Variants in IL15RA observed in about 807,000 individuals in gnomAD.
The protein encoded by IL15RA is interleukin-15 receptor subunit alpha.
A neutral mutation model predicts 24.2 loss-of-function variants in IL15RA; 26 were observed. That is an observed-to-expected ratio of 1.07 (90% CI 0.79 to 1.49). The LOEUF is 1.49. IL15RA is among the 40% of genes most tolerant of loss of function. The pLI is 0.00. For missense variants in IL15RA, 354 were observed against 356.4 expected (o/e 0.99, Z 0.05); for synonymous variants, 166 against 157.6 (o/e 1.05, Z -0.40).
At chr10:5,956,027 T>G (rs936287186) in intron 6 of IL15RA, among the ~76,000 whole-genome samples, 2 of 152,136 alleles carry the variant, frequency 1.3e-5, no homozygotes, top group Non-Finnish European at 2.9e-5. Context: ...TCTTTTTCTT[T>G]TTTTTGAGAC....
rs1836718882 is a variant in IL15RA, at chr10:5,967,186, G to T, written c.89-847C>A. Among the ~76,000 whole-genome samples the T allele has an allele frequency of 6.6e-6, 1 of 151,908 alleles. No individual in the cohort carries two copies. The highest frequency in any genetic ancestry group is 1.5e-5 in the Non-Finnish European group (1 of 67,926). On this transcript the variant is annotated intron_variant, in intron 1 of 6. Transcript: ENST00000379977. The surrounding 1 kb of genome is among the most constrained non-coding windows in gnomAD (Gnocchi z 4.4). ...ATCGGGCCTTGCCTTGTCTTGCCTTGCCTTACCTTGCCTTACCTTGCCTTG... is the reference window on the plus strand; with the variant it reads ...ATCGGGCCTTGCCTTGTCTTGCCTTTCCTTACCTTGCCTTACCTTGCCTTG...
Position 5,963,981 on chromosome 10 carries a change from T to C in IL15RA, c.284-140A>G. The stretch of plus-strand genomic sequence containing the variant: ...GGCTTCCTCAGACAGGTTAAAAGCA[T>C]AAGAAACAATGTTTCCCCACCCGAA... On this transcript the variant is annotated intron_variant, in intron 2 of 6. Coordinates refer to ENST00000379977, the MANE Select transcript of IL15RA (RefSeq NM_002189.4). The surrounding 1 kb of genome is among the most constrained non-coding windows in gnomAD (Gnocchi z 5.3). 1.7e-6 allele frequency: 1 copy of C among 580,354 alleles called. No homozygotes were observed. Among genetic ancestry groups the C allele is most frequent in the East Asian group, 3.5e-5 (1 of 28,844 alleles). 36.0% of individuals were successfully genotyped at this position (580,354 alleles called of 1,614,324 possible).
chr10:5,956,726 G>T (rs1834574774), intron 5 of IL15RA, among the ~76,000 whole-genome samples: 1 of 152,206 alleles, frequency 6.6e-6, no homozygotes, highest in South Asian at 2.1e-4. Context: ...GGGTGACGGG[G>T]CAGGGACGGA....
chr10:5,956,957 A>ATTTT (rs767909938), intron 5 of IL15RA, among the ~76,000 whole-genome samples: 12 of 127,680 alleles, frequency 9.4e-5, no homozygotes, highest in Non-Finnish European at 1.5e-4. Context: ...TTCACTTGCA[A>ATTTT]TTTTTTTTTT....
chr10:5,976,917 C>T (rs4749856), intron 1 of IL15RA: 14,205 of 152,992 alleles, frequency 0.093, 1,150 homozygotes, highest in East Asian at 0.3. Context: ...CAGCTCCTCC[C>T]CACCCTCCCA....
Position 5,958,955 on chromosome 10 carries a change from C to T in IL15RA, c.616+799G>A, listed in dbSNP as rs963744740. 1.3e-5 allele frequency among the ~76,000 whole-genome samples: 2 copies of T among 152,042 alleles called. No individual in the cohort carries two copies. The highest frequency in any genetic ancestry group is 2.9e-5 in the Non-Finnish European group (2 of 68,014). Reference sequence around the variant, plus strand: ...GCGTTCTTCCTCCCTGCCTGCTTCCCTTCTTCCTCCTGTTCTCCCCTCCTC... The same window carrying T: ...GCGTTCTTCCTCCCTGCCTGCTTCCTTTCTTCCTCCTGTTCTCCCCTCCTC... On this transcript the variant is annotated intron_variant, in intron 5 of 6. Transcript: ENST00000379977. This position sits in a 1 kb window ranked among gnomAD's most constrained non-coding sequence, Gnocchi z 4.3.
chr10:5,977,555 G>A (rs990241137), upstream of IL15RA: 9 of 1,274,600 alleles, frequency 7.1e-6, no homozygotes, highest in Non-Finnish European at 8.9e-6. Flanking sequence ...CCGGGGGGAG[G>A]TGGCGAGCGC....
upstream of IL15RA, chr10:5,977,752 G>A: frequency 1.2e-6 from 1 of 835,082 alleles, no homozygotes; most frequent in Non-Finnish European, 1.6e-6. Context: ...CATGGGCCGT[G>A]CCCGGTGGGG....
chr10:5,956,077 C>T (rs1834477614), intron 6 of IL15RA, among the ~76,000 whole-genome samples: 2 of 152,008 alleles, frequency 1.3e-5, no homozygotes, highest in Non-Finnish European at 2.9e-5. Context: ...TGCAGTGGCG[C>T]AATCTTGGCT....
Position 5,960,516 on chromosome 10 carries a change from G to A in IL15RA, c.434C>T (p.Ala145Val), listed in dbSNP as rs749257830. The A allele has an allele frequency of 6.2e-7, 1 of 1,614,210 alleles. No homozygotes were observed. Among genetic ancestry groups the A allele is most frequent in the South Asian group, 1.1e-5 (1 of 91,082 alleles). ...CATCAGCTGGGAGCCCGGGACAATA[G>A]CTGCTGTTGTGGCCGCTGTGTTGTT... The part of the protein sequence containing the change: ...SSNNTAATTA[A>V]IVPGSQLMPS... The change falls in exon 4 of 7, where the codon GCT becomes GTT. Residue 145 changes from alanine (A) to valine (V), a missense_variant. By Grantham distance (64) the Ala-to-Val change is moderately conservative. Coordinates refer to ENST00000379977, the MANE Select transcript of IL15RA (RefSeq NM_002189.4). This position sits in a 1 kb window ranked among gnomAD's most constrained non-coding sequence, Gnocchi z 5.1.
chr10:5,951,455 G>A (rs1359901917), downstream of IL15RA, among the ~76,000 whole-genome samples: 1 of 152,184 alleles, frequency 6.6e-6, no homozygotes, highest in African/African-American at 2.4e-5. Flanking sequence ...GGCTGTACAA[G>A]GGGCAGTTGG....
chr10:5,974,711 T>G (rs927612688), intron 1 of IL15RA, among the ~76,000 whole-genome samples: 1 of 151,962 alleles, frequency 6.6e-6, no homozygotes, highest in Non-Finnish European at 1.5e-5. Flanking sequence ...ACCCCATCTC[T>G]ACTAAAAATA....
Position 5,953,101 on chromosome 10 carries a change from G to A in IL15RA, c.798C>T (p.His266=). Reference sequence around the variant, plus strand: ...GGGCTGGTTTCCCCGAGTTTCATAGGTGGTGAGAGCAGTTTTCCAAGTCTT... The same window carrying A: ...GGGCTGGTTTCCCCGAGTTTCATAGATGGTGAGAGCAGTTTTCCAAGTCTT... The part of the protein sequence containing the change: ...RDEDLENCSH[H]L Residue 266 remains histidine, a synonymous_variant, in exon 7 of 7, where the codon CAC becomes CAT. Transcript: ENST00000379977. This position sits in a 1 kb window ranked among gnomAD's most constrained non-coding sequence, Gnocchi z 5.3. 6.2e-7 allele frequency: 1 copy of A among 1,611,618 alleles called. No homozygotes were observed. Among genetic ancestry groups the A allele is most frequent in the Non-Finnish European group, 8.5e-7 (1 of 1,177,632 alleles).
At position 5,953,304 on chromosome 10, in the gene IL15RA, G is replaced by A. The variant is rs1009202352; in HGVS notation, c.693-98C>T. The A allele has an allele frequency of 6.9e-6, 6 of 868,450 alleles. No homozygotes were observed. The highest frequency in any genetic ancestry group is 9.7e-6 in the Non-Finnish European group (5 of 514,692). 53.8% of individuals were successfully genotyped at this position (868,450 alleles called of 1,614,324 possible). On this transcript the variant is annotated intron_variant, in intron 6 of 6. Coordinates refer to ENST00000379977, the MANE Select transcript of IL15RA (RefSeq NM_002189.4). The surrounding 1 kb of genome is among the most constrained non-coding windows in gnomAD (Gnocchi z 5.3). ...GAGCATGTATGTCCAGCACTGCGGG[G>A]ATGGCAGGAGCAGACAGAGGCCCTG...
rs1449274315 is a variant in IL15RA at position 5,966,673 on chromosome 10, C to T, written c.89-334G>A. ...CACCCCTCTCCACCGTGGACCCAGC[C>T]TCCAATTCTCACTGAACGACAGCAA... On this transcript the variant is annotated intron_variant, in intron 1 of 6. Coordinates refer to ENST00000379977, the MANE Select transcript of IL15RA (RefSeq NM_002189.4). This position sits in a 1 kb window ranked among gnomAD's most constrained non-coding sequence, Gnocchi z 6.4. Among the ~76,000 whole-genome samples the T allele has an allele frequency of 2.0e-5, 3 of 152,258 alleles. No individual in the cohort carries two copies. The East Asian group carries it at 5.8e-4, about 29-fold the overall frequency.
rs1457857176 is a variant in IL15RA, at chr10:5,966,960, G to C, written c.89-621C>G. 2.6e-5 allele frequency among the ~76,000 whole-genome samples: 4 copies of C among 152,194 alleles called. No individual in the cohort carries two copies. Among genetic ancestry groups the C allele is most frequent in the African/African-American group, 7.2e-5 (3 of 41,534 alleles). On this transcript the variant is annotated intron_variant, in intron 1 of 6. Coordinates refer to ENST00000379977, the MANE Select transcript of IL15RA (RefSeq NM_002189.4). This position sits in a 1 kb window ranked among gnomAD's most constrained non-coding sequence, Gnocchi z 6.4. The stretch of plus-strand genomic sequence containing the variant: ...GCACTCTAGCCTGGGAGTTGGCCAG[G>C]CTGGTCTTGAACTCCTAACCTCAAA...
At chr10:5,956,986 G>A (rs1408508735) in intron 5 of IL15RA, among the ~76,000 whole-genome samples, 1 of 144,518 alleles carries the variant, frequency 6.9e-6, no homozygotes, top group Non-Finnish European at 1.5e-5. Flanking sequence ...TTGAGACAGG[G>A]TCTCCCTCTG....
Position 5,966,109 on chromosome 10 carries a change from G to C in IL15RA, c.283+36C>G. The C allele has an allele frequency of 6.9e-7, 1 of 1,445,112 alleles. No homozygotes were observed. The highest frequency in any genetic ancestry group is 1.2e-5 in the South Asian group (1 of 85,388). The allele number at this position is 1,445,112 out of a possible 1,614,324, so 89.5% of individuals were successfully genotyped here. On this transcript the variant is annotated intron_variant, in intron 2 of 6. Coordinates refer to ENST00000379977, the MANE Select transcript of IL15RA (RefSeq NM_002189.4). This position sits in a 1 kb window ranked among gnomAD's most constrained non-coding sequence, Gnocchi z 6.4. ...TCTCTGTGCAGCCTTGGCAGGGTGG[G>C]GGAGGGAGGAAGGTGGGGTGGCAAG...
At chr10:5,972,529 A>T (rs1837778897) in intron 1 of IL15RA, among the ~76,000 whole-genome samples, 1 of 152,220 alleles carries the variant, frequency 6.6e-6, no homozygotes, top group South Asian at 2.1e-4. Context: ...AAAAACTCCA[A>T]AATTCTGGAT....
Sources: gnomAD v4.1 joint callset for allele counts (sites outside exome capture counted in the v4.1 genomes callset) on GRCh38, gnomAD v4.1.1 for gene constraint, Gnocchi (gnomAD v3.1) non-coding constraint, MANE v1.5 for transcripts, NCBI Gene and HGNC (gene_info 2026-07-23, HGNC 2026-07-21) for gene names.